Variants in RANBP2 observed in about 807,000 individuals in gnomAD.
The protein encoded by RANBP2 is E3 SUMO-protein ligase RanBP2.
RANBP2 carries 57 observed loss-of-function variants against 303.6 expected under a neutral mutation model. The observed-to-expected ratio is 0.19, with a 90% confidence interval of 0.15 to 0.23. The LOEUF (loss-of-function observed/expected upper bound fraction) is 0.23. Ranked by LOEUF, RANBP2 falls within the 10% of genes least tolerant of loss-of-function variation. The pLI, the probability that RANBP2 is intolerant of heterozygous loss-of-function variation, is 1.00. For synonymous variants in RANBP2, 1,167 were observed against 1,301.5 expected (o/e 0.90, Z 2.23); for missense variants, 3,138 against 3,780.8 (o/e 0.83, Z 4.46).
At chr2:109,039,733 T>C in the RANBP2 span, among the ~76,000 whole-genome samples, 2 of 152,282 alleles carry the variant, frequency 1.3e-5, 1 homozygote, top group East Asian at 3.9e-4. Context: ...TCTTTTAAAA[T>C]TTATCTTATT....
the RANBP2 span, among the ~76,000 whole-genome samples, chr2:109,069,734 CT>C: frequency 6.6e-6 from 1 of 152,160 alleles, no homozygotes; most frequent in East Asian, 1.9e-4. Context: ...TTTTTTTCTT[CT>C]TTTTTGGCTC....
chr2:109,012,764 A>G, the RANBP2 span, among the ~76,000 whole-genome samples: 3 of 152,276 alleles, frequency 2.0e-5, no homozygotes, highest in East Asian at 5.8e-4. Context: ...GATACAAAAA[A>G]TTAGCCGGGC....
At chr2:109,386,436 C>T in the RANBP2 span, among the ~76,000 whole-genome samples, 4 of 152,022 alleles carry the variant, frequency 2.6e-5, no homozygotes, top group Admixed American at 1.3e-4. Context: ...AAAAAAAACA[C>T]TGTGGCTGCT....
At chr2:109,000,354 C>T in the RANBP2 span, among the ~76,000 whole-genome samples, 114 of 152,104 alleles carry the variant, frequency 7.5e-4, no homozygotes, top group Admixed American at 1.8e-3. Context: ...TAGCAAGACC[C>T]CCTCTCTACA....
At chr2:109,013,754 AT>A in the RANBP2 span, among the ~76,000 whole-genome samples, 1 of 151,774 alleles carries the variant, frequency 6.6e-6, no homozygotes, top group Admixed American at 6.6e-5. Context: ...TAATTTTTGT[AT>A]TTTTAGTAGA....
At chr2:109,191,599 C>CAT in the RANBP2 span, among the ~76,000 whole-genome samples, 57 of 152,314 alleles carry the variant, frequency 3.7e-4, no homozygotes, top group Middle Eastern at 3.4e-3. Context: ...GCATTTCCCA[C>CAT]CCTTTCACAT....
At chr2:109,005,937 G>C in the RANBP2 span, among the ~76,000 whole-genome samples, 2 of 152,188 alleles carry the variant, frequency 1.3e-5, no homozygotes, top group Non-Finnish European at 2.9e-5. Flanking sequence ...GAGTCGTGGA[G>C]CTGCCCATGT....
the RANBP2 span, among the ~76,000 whole-genome samples, chr2:108,862,389 T>G: frequency 6.6e-6 from 1 of 152,162 alleles, no homozygotes; most frequent in Admixed American, 6.5e-5. Flanking sequence ...TGGGAGGTAG[T>G]GTCAGTGGAC....
At chr2:109,376,771 C>T in the RANBP2 span, among the ~76,000 whole-genome samples, 12 of 152,220 alleles carry the variant, frequency 7.9e-5, no homozygotes, top group Non-Finnish European at 1.8e-4. Context: ...CATGCCCTCA[C>T]CCCACACGTG....
chr2:109,279,618 C>T, the RANBP2 span, among the ~76,000 whole-genome samples: 7 of 152,220 alleles, frequency 4.6e-5, no homozygotes, highest in Non-Finnish European at 1.0e-4. Context: ...CTTTCTTCCC[C>T]ACCCCTTCAC....
the RANBP2 span, among the ~76,000 whole-genome samples, chr2:109,710,331 G>A: frequency 3.3e-5 from 5 of 149,426 alleles, no homozygotes; most frequent in Admixed American, 2.7e-4. Flanking sequence ...GCAGTGAGCC[G>A]AGATAACGCC....
chr2:108,877,862 A>G, the RANBP2 span, among the ~76,000 whole-genome samples: 14 of 152,256 alleles, frequency 9.2e-5, no homozygotes, highest in Non-Finnish European at 1.6e-4. Context: ...TACAAGGATA[A>G]AAGCACAAAC....
At chr2:109,162,089 G>T in the RANBP2 span, among the ~76,000 whole-genome samples, 1 of 152,164 alleles carries the variant, frequency 6.6e-6, no homozygotes, top group African/African-American at 2.4e-5. Context: ...AATTCTGCTG[G>T]CTGGCAGAGA....
the RANBP2 span, among the ~76,000 whole-genome samples, chr2:109,692,021 A>AC: frequency 1.3e-5 from 2 of 151,944 alleles, no homozygotes; most frequent in Admixed American, 1.3e-4. Context: ...CGACCTCATG[A>AC]TCCACCCGCC....
the RANBP2 span, among the ~76,000 whole-genome samples, chr2:109,526,564 G>A: frequency 1.3e-5 from 2 of 152,106 alleles, no homozygotes; most frequent in Non-Finnish European, 2.9e-5. Flanking sequence ...CACCTGCCTT[G>A]GTCTCCCAAA....
chr2:109,226,208 A>G, the RANBP2 span, among the ~76,000 whole-genome samples: 2 of 152,210 alleles, frequency 1.3e-5, no homozygotes, highest in Non-Finnish European at 2.9e-5. Flanking sequence ...GCTTGTCAAC[A>G]TCTGCAGAAG....
the RANBP2 span, chr2:108,798,606 T>C: frequency 1.3e-6 from 2 of 1,531,952 alleles, no homozygotes; most frequent in Non-Finnish European, 1.8e-6. Context: ...TAGCCTTTGA[T>C]TTTAGAGTGG....
At chr2:109,292,635 A>G in the RANBP2 span, among the ~76,000 whole-genome samples, 2 of 152,138 alleles carry the variant, frequency 1.3e-5, 1 homozygote, top group Admixed American at 1.3e-4. Flanking sequence ...CCAATTTTCT[A>G]TCTATAGACT....
the RANBP2 span, among the ~76,000 whole-genome samples, chr2:109,647,065 C>T: frequency 2.0e-5 from 3 of 151,578 alleles, no homozygotes; most frequent in Non-Finnish European, 2.9e-5. Flanking sequence ...GTCTGATCCA[C>T]AGGGCAGGGT....
Sources: gnomAD v4.1 joint callset for allele counts (sites outside exome capture counted in the v4.1 genomes callset) on GRCh38, gnomAD v4.1.1 for gene constraint, MANE v1.5 for transcripts, NCBI Gene and HGNC (gene_info 2026-07-23, HGNC 2026-07-21) for gene names.